The following CDCA7L variants were observed in gnomAD, a reference collection of about 807,000 sequenced individuals.
CDCA7L encodes the protein cell division cycle associated 7 like, also known as cell division cycle-associated 7-like protein.
Under a neutral mutation model 57.4 loss-of-function variants are expected in CDCA7L, and 44 were observed. The ratio of observed to expected loss-of-function variants is 0.77; its 90% CI spans 0.60 to 0.98. The LOEUF (loss-of-function observed/expected upper bound fraction) is 0.98. Among genes scored for constraint, CDCA7L ranks in the 50% least tolerant of loss-of-function variants. CDCA7L has a pLI of 0.00. For missense variants in CDCA7L, 644 were observed against 580.6 expected, an observed-to-expected ratio of 1.11 and a Z score of -1.12; for synonymous variants, 236 against 202.8, an observed-to-expected ratio of 1.16 and a Z score of -1.39.
intron 1 of CDCA7L, among the ~76,000 whole-genome samples, chr7:21,920,900 A>T (rs1785629386): frequency 6.6e-6 from 1 of 152,196 alleles, no homozygotes; most frequent in Non-Finnish European, 1.5e-5. Flanking sequence ...ACAGTGTGTC[A>T]ATTTCAGTCT....
intron 3 of CDCA7L, among the ~76,000 whole-genome samples, chr7:21,910,114 G>A (rs940361143): frequency 6.6e-6 from 1 of 152,092 alleles, no homozygotes; most frequent in Non-Finnish European, 1.5e-5. Context: ...CAGGTGGGAG[G>A]GAAGACTTCT....
intron 7 of CDCA7L, among the ~76,000 whole-genome samples, chr7:21,905,270 G>A (rs544322799): frequency 8.6e-5 from 13 of 151,958 alleles, no homozygotes; most frequent in South Asian, 6.2e-4. Context: ...AAACTATACC[G>A]TTCCCTTCCC....
rs765485528 is a variant in CDCA7L, at chr7:21,908,310, AAACAACTGCT to A, written c.491_500del (p.Glu164ValfsTer23). The A allele has an allele frequency of 1.9e-6, 3 of 1,610,354 alleles. No individual in the cohort carries two copies. Among genetic ancestry groups the A allele is most frequent in the Non-Finnish European group, 1.7e-6 (2 of 1,179,110 alleles). ...TCTCATTCTGTAAGCGTGCGCTAGA[AAACAACTGCT>A]CGGAAGAACTGTTTTTATCTGGTTT... On this transcript the variant is annotated frameshift_variant, in exon 4 of 10. Transcript: ENST00000406877. LOFTEE classifies it high-confidence loss of function.
chr7:21,945,899 C>T lies in CDCA7L; in HGVS notation c.-95G>A. 7.3e-7 allele frequency: 1 copy of T among 1,375,128 alleles called. No homozygotes were observed. Among genetic ancestry groups the T allele is most frequent in the Non-Finnish European group, 9.8e-7 (1 of 1,024,846 alleles). 85.2% of individuals were successfully genotyped at this position (1,375,128 alleles called of 1,614,324 possible). ...GCACCAAGAACGCCCCGCGCCCGAG[C>T]AGCTAGCGCGCTCCGCCCGGAGCAC... On this transcript the variant is annotated 5_prime_UTR_variant, in exon 1 of 10. Coordinates refer to ENST00000406877, the MANE Select transcript of CDCA7L (RefSeq NM_018719.5).
Position 21,908,276 on chromosome 7 carries a change from T to G in CDCA7L, c.535A>C (p.Ile179Leu), listed in dbSNP as rs1358091441. 31 of 1,613,370 alleles carry G rather than the reference T, an allele frequency of 1.9e-5. No individual in the cohort carries two copies. The highest frequency in any genetic ancestry group is 2.6e-5 in the Non-Finnish European group (31 of 1,179,864). Reference protein sequence around the residue: ...SARLQNEKKTILERKKDCRQV... With the variant: ...SARLQNEKKTLLERKKDCRQV... The stretch of plus-strand genomic sequence containing the variant: ...CTACAGTCTTTCTTTCTTTCAAGAA[T>G]TGTTTTTTTCTCATTCTGTAAGCGT... Residue 179 changes from isoleucine (I) to leucine (L), a missense_variant, in exon 4 of 10, where the codon ATT (isoleucine) becomes CTT (leucine). Physicochemically the swap from Ile to Leu is conservative, Grantham distance 5. Transcript: ENST00000406877.
At chr7:21,933,708 G>A (rs576836687) in intron 1 of CDCA7L, among the ~76,000 whole-genome samples, 5 of 152,096 alleles carry the variant, frequency 3.3e-5, no homozygotes, top group Middle Eastern at 3.4e-3. Context: ...TGTAGACGAC[G>A]GGTTAATGGG....
chr7:21,919,044 C>T (rs912233230), intron 1 of CDCA7L, among the ~76,000 whole-genome samples: 1 of 152,012 alleles, frequency 6.6e-6, no homozygotes, highest in African/African-American at 2.4e-5. Flanking sequence ...TCTCAAATTC[C>T]TTGCCTCAAG....
Position 21,916,828 on chromosome 7 carries a change from C to CA in CDCA7L, c.90_91insT (p.Asp31Ter). 5 of 1,614,094 alleles carry CA rather than the reference C, an allele frequency of 3.1e-6. No individual in the cohort carries two copies. The highest frequency in any genetic ancestry group is 4.2e-6 in the Non-Finnish European group (5 of 1,179,976). On this transcript the variant is annotated frameshift_variant, in exon 2 of 10. Transcript: ENST00000406877. LOFTEE classifies it high-confidence loss of function. The stretch of plus-strand genomic sequence containing the variant: ...GAGAGGGTTTCCATGGGAACATCAT[C>CA]TCGGAAGCCAACAAACTCTTCATCA...
chr7:21,929,586 G>T (rs1253222643), intron 1 of CDCA7L, among the ~76,000 whole-genome samples: 1 of 129,530 alleles, frequency 7.7e-6, no homozygotes, highest in Admixed American at 9.0e-5. Flanking sequence ...ACACACATAG[G>T]CTCAAAATAA....
At position 21,905,637 on chromosome 7, in the gene CDCA7L, C is replaced by A; in HGVS notation, c.922-6G>T. The A allele has an allele frequency of 4.3e-6, 7 of 1,613,044 alleles. No individual in the cohort carries two copies. The highest frequency in any genetic ancestry group is 1.1e-5 in the South Asian group (1 of 90,952). On this transcript the variant is annotated splice_polypyrimidine_tract_variant and splice_region_variant and intron_variant, in intron 6 of 9. Coordinates refer to ENST00000406877, the MANE Select transcript of CDCA7L (RefSeq NM_018719.5). ...CTGTACTCCCGGCATTTCCCCTGCA[C>A]AATGAACACAAGCAGAACATGGAGA...
chr7:21,906,770 C>T, intron 4 of CDCA7L, 131 bp from the exon 5 acceptor site: 10 of 766,120 alleles, frequency 1.3e-5, no homozygotes, highest in Non-Finnish European at 2.0e-5. Context: ...TAACCCACAA[C>T]AGTTATACTT....
intron 3 of CDCA7L, among the ~76,000 whole-genome samples, chr7:21,910,109 G>A (rs981786197): frequency 2.0e-5 from 3 of 152,196 alleles, no homozygotes; most frequent in South Asian, 2.1e-4. Context: ...GGGGGCAGGT[G>A]GGAGGGAAGA....
rs79947346 is a variant in CDCA7L at position 21,901,359 on chromosome 7, C to G, written c.*963G>C. On this transcript the variant is annotated 3_prime_UTR_variant, in exon 10 of 10. Coordinates refer to ENST00000406877, the MANE Select transcript of CDCA7L (RefSeq NM_018719.5). ...ATTATTCTAACTTTTTAGTAACTCA[C>G]ACGTGCATTCTTTTTTCAACGCTAT... 2.0e-3 allele frequency: 2,750 copies of G among 1,378,138 alleles called. 63 individuals carry two copies. In the East Asian group the frequency reaches 0.052, roughly 26 times the overall value. 85.4% of individuals were successfully genotyped at this position (1,378,138 alleles called of 1,614,324 possible).
At chr7:21,936,003 G>A (rs550020517) in intron 1 of CDCA7L, among the ~76,000 whole-genome samples, 34 of 150,990 alleles carry the variant, frequency 2.3e-4, no homozygotes, top group East Asian at 5.8e-4. Flanking sequence ...GCAAGACTCC[G>A]TCTCAAAATG....
chr7:21,904,291 CAGGGAT>C (rs749894232), intron 7 of CDCA7L, 32 bp from the exon 8 acceptor site: 1 of 1,550,736 alleles, frequency 6.4e-7, no homozygotes, highest in South Asian at 1.2e-5. Context: ...CAGGTGAACA[CAGGGAT>C]ATGCTGATGC....
intron 2 of CDCA7L, among the ~76,000 whole-genome samples, chr7:21,915,658 A>AAAAAAC (rs1554296504): frequency 2.7e-5 from 2 of 73,500 alleles, no homozygotes; most frequent in Non-Finnish European, 4.8e-5. Context: ...AAAAAAAAAA[A>AAAAAAC]ACACACACAC....
At position 21,908,348 on chromosome 7, in the gene CDCA7L, T is replaced by C. The variant is rs780509440; in HGVS notation, c.463A>G (p.Asn155Asp). The change falls in exon 4 of 10, where the codon AAC becomes GAC. Residue 155 changes from asparagine to aspartate, a missense_variant. Asn to Asp is a conservative substitution (Grantham distance 23, BLOSUM62 1). Transcript: ENST00000406877. ...GAAGAACTGTTTTTATCTGGTTTGTTGGCCAGCTTCTTGGTGGGGAACTGA... is the reference window on the plus strand; with the variant it reads ...GAAGAACTGTTTTTATCTGGTTTGTCGGCCAGCTTCTTGGTGGGGAACTGA... The part of the protein sequence containing the change: ...AFQFPTKKLA[N>D]KPDKNSSSEQ... 41 of 1,609,786 alleles carry C rather than the reference T, an allele frequency of 2.5e-5. No individual in the cohort carries two copies. The highest frequency in any genetic ancestry group is 8.5e-7 in the Non-Finnish European group (1 of 1,178,970).
At chr7:21,907,981 A>G in intron 4 of CDCA7L, 149 bp downstream of exon 4, 1 of 788,606 alleles carries the variant, frequency 1.3e-6, no homozygotes, top group Non-Finnish European at 1.9e-6. Context: ...GTTCTGGAAA[A>G]GTAAAAGGAT....
Position 21,903,001 on chromosome 7 carries a change from G to C in CDCA7L, c.1311C>G (p.Asp437Glu), listed in dbSNP as rs1230153504. 6.2e-7 allele frequency: 1 copy of C among 1,613,728 alleles called. No homozygotes were observed. Among genetic ancestry groups the C allele is most frequent in the African/African-American group, 1.3e-5 (1 of 74,908 alleles). Residue 437 changes from aspartate (D) to glutamate (E), a missense_variant, in exon 9 of 10, where the codon GAC becomes GAG. By Grantham distance (45) the Asp-to-Glu change is conservative. Coordinates refer to ENST00000406877, the MANE Select transcript of CDCA7L (RefSeq NM_018719.5). ...LIHLAKFYGY[D>E]NVKEYLESLQ... is the part of the protein sequence containing the mutation. ...ACCTCTCCAGATATTCCTTAACATT[G>C]TCATAACCATAAAACTTGGCCAGAT...
Sources: allele counts gnomAD v4.1 joint callset (sites outside exome capture counted in the v4.1 genomes callset), GRCh38; gene constraint gnomAD v4.1.1; transcripts MANE v1.5; gene names NCBI Gene and HGNC (gene_info 2026-07-23, HGNC 2026-07-21).